Variants in TP63 observed in about 807,000 individuals in gnomAD.
TP63 encodes tumor protein 63.
In TP63, 17 loss-of-function variants were observed where a neutral mutation model predicts 82.8. The ratio of observed to expected loss-of-function variants is 0.21; its 90% CI spans 0.14 to 0.31. The LOEUF (loss-of-function observed/expected upper bound fraction) is 0.31, where lower values mean the gene tolerates loss of function less well. Ranked by LOEUF, TP63 falls within the 10% of genes least tolerant of loss-of-function variation. The pLI, the probability that TP63 is intolerant of heterozygous loss-of-function variation, is 1.00. For missense variants in TP63, 648 were observed against 895.3 expected (o/e 0.72, Z 3.52); for synonymous variants, 330 against 321.7 (o/e 1.03, Z -0.28).
At chr3:189,617,587 A>G in the TP63 span, among the ~76,000 whole-genome samples, 1 of 152,290 alleles carries the variant, frequency 6.6e-6, no homozygotes, top group East Asian at 1.9e-4. Flanking sequence ...GTCAATAAAG[A>G]GAGATATAAT....
At chr3:189,829,747 T>G (rs1236967693) in intron 4 of TP63, among the ~76,000 whole-genome samples, 2 of 152,212 alleles carry the variant, frequency 1.3e-5, no homozygotes. Context: ...CAAAAATAAT[T>G]GCAGGTTTTG....
At chr3:189,804,808 T>C (rs1170212673) in intron 3 of TP63, among the ~76,000 whole-genome samples, 1 of 152,198 alleles carries the variant, frequency 6.6e-6, no homozygotes, top group African/African-American at 2.4e-5. Context: ...GTTTTACGCT[T>C]TCCAGGAAAA....
intron 1 of TP63, among the ~76,000 whole-genome samples, chr3:189,666,072 A>G (rs185764352): frequency 2.0e-5 from 3 of 152,190 alleles, no homozygotes; most frequent in African/African-American, 7.2e-5. Flanking sequence ...AAGACATCAG[A>G]ACCCAGTTAT....
intron 4 of TP63, among the ~76,000 whole-genome samples, chr3:189,843,195 A>G (rs1044743054): frequency 1.1e-4 from 17 of 152,182 alleles, no homozygotes; most frequent in Non-Finnish European, 2.2e-4. Flanking sequence ...GGCCTCCCCA[A>G]GAAGACCCAG....
rs148311099 is a variant in TP63, at chr3:189,764,560, G to C, written c.324+25786G>C. Among the ~76,000 whole-genome samples, 271 of 152,210 alleles carry C rather than the reference G, an allele frequency of 1.8e-3. 3 individuals are homozygous for C. The highest frequency in any genetic ancestry group is 8.8e-4 in the Non-Finnish European group (60 of 68,014). ...TTTGTGGACATAGGTTGGCTGACTG[G>C]GGTGCTCATCAGGAGTATATTGTCT... On this transcript the variant is annotated intron_variant, in intron 3 of 13. Coordinates refer to ENST00000264731, the MANE Select transcript of TP63 (RefSeq NM_003722.5).
chr3:189,733,616 C>G (rs942542478), intron 1 of TP63, among the ~76,000 whole-genome samples: 1 of 152,066 alleles, frequency 6.6e-6, no homozygotes, highest in Non-Finnish European at 1.5e-5. Flanking sequence ...ATAATTCATG[C>G]CTTTGTTCAT....
chr3:189,754,155 G>A (rs1349187382), intron 3 of TP63, among the ~76,000 whole-genome samples: 1 of 152,082 alleles, frequency 6.6e-6, no homozygotes, highest in Non-Finnish European at 1.5e-5. Context: ...AGAACTGCAT[G>A]CACCTCTTTT....
At chr3:189,734,636 C>G (rs1395285732) in intron 1 of TP63, among the ~76,000 whole-genome samples, 1 of 152,140 alleles carries the variant, frequency 6.6e-6, no homozygotes, top group African/African-American at 2.4e-5. Context: ...GTCTGACCCA[C>G]TCAATTTTCA....
intron 3 of TP63, among the ~76,000 whole-genome samples, chr3:189,751,648 C>A (rs753594347): frequency 6.6e-6 from 1 of 152,108 alleles, no homozygotes; most frequent in African/African-American, 2.4e-5. Context: ...ATATCCTTCA[C>A]CCACTTTTTG....
intron 1 of TP63, among the ~76,000 whole-genome samples, chr3:189,652,642 C>A (rs1158415585): frequency 6.8e-6 from 1 of 146,258 alleles, no homozygotes; most frequent in Non-Finnish European, 1.5e-5. Context: ...TTTGGAGGGG[C>A]ACAGTGCAGA....
chr3:189,840,359 C>CTTTTTTTTTTTTTTTTTTTCTT (rs1713830508), intron 4 of TP63, among the ~76,000 whole-genome samples: 1 of 44,448 alleles, frequency 2.2e-5, no homozygotes, highest in African/African-American at 1.1e-4. Context: ...TGCTTTTCGT[C>CTTTTTTTTTTTTTTTTTTTCTT]TTTTTTTTTT....
chr3:189,726,428 A>G (rs950118961), intron 1 of TP63, among the ~76,000 whole-genome samples: 2 of 152,216 alleles, frequency 1.3e-5, no homozygotes, highest in African/African-American at 2.4e-5. Context: ...AATATGATAC[A>G]TAATTCATCA....
At chr3:189,644,438 T>C (rs1712217433) in intron 1 of TP63, among the ~76,000 whole-genome samples, 1 of 152,232 alleles carries the variant, frequency 6.6e-6, no homozygotes, top group South Asian at 2.1e-4. Context: ...TCTGTTCACC[T>C]ACTAGACCCT....
chr3:189,786,100 G>A (rs148801452), intron 3 of TP63, among the ~76,000 whole-genome samples: 140 of 151,742 alleles, frequency 9.2e-4, no homozygotes, highest in Middle Eastern at 3.4e-3. Flanking sequence ...CATTGACATC[G>A]GTATTTTATG....
chr3:189,653,390 A>G (rs752665436), intron 1 of TP63, among the ~76,000 whole-genome samples: 2 of 152,182 alleles, frequency 1.3e-5, no homozygotes, highest in African/African-American at 2.4e-5. Flanking sequence ...TCTATTTTTA[A>G]CCTGAAATTA....
intron 4 of TP63, among the ~76,000 whole-genome samples, chr3:189,824,209 TTTATTA>T (rs1052127513): frequency 6.6e-6 from 1 of 151,656 alleles, no homozygotes; most frequent in Non-Finnish European, 1.5e-5. Context: ...ATTTATTTAT[TTTATTA>T]TTATTATTAT....
intron 1 of TP63, among the ~76,000 whole-genome samples, chr3:189,674,645 C>T (rs201301101): frequency 6.6e-6 from 1 of 152,074 alleles, no homozygotes; most frequent in East Asian, 1.9e-4. Context: ...GCATTAACTC[C>T]CCTAACTCTC....
rs1016208811 is a variant in TP63 at position 189,895,362 on chromosome 3, C to T, written c.*860C>T. On this transcript the variant is annotated 3_prime_UTR_variant, in exon 14 of 14. Transcript: ENST00000264731. The stretch of plus-strand genomic sequence containing the variant: ...TCATGTATTTGAGCATATCAGTAAC[C>T]CCCTTAAATTTAATACCAGATACCT... The T allele has an allele frequency of 9.2e-6, 2 of 217,608 alleles. 1 individual carries two copies. The highest frequency in any genetic ancestry group is 1.2e-4 in the Admixed American group (2 of 17,312). 13.5% of individuals were successfully genotyped at this position (217,608 alleles called of 1,614,324 possible).
At chr3:189,880,268 G>A (rs544458351) in intron 10 of TP63, 1 of 1,432,898 alleles carries the variant, frequency 7.0e-7, no homozygotes, top group South Asian at 1.8e-5. Context: ...TGTGTATCTA[G>A]CCCTCATAAA....
Sources: allele counts gnomAD v4.1 joint callset (sites outside exome capture counted in the v4.1 genomes callset), GRCh38; gene constraint gnomAD v4.1.1; transcripts MANE v1.5; gene names NCBI Gene and HGNC (gene_info 2026-07-23, HGNC 2026-07-21).